Variants in SPATA6 observed in about 807,000 individuals in gnomAD.
The protein encoded by SPATA6 is spermatogenesis-associated protein 6.
Under a neutral mutation model 65.3 loss-of-function variants are expected in SPATA6, and 56 were observed. That is an observed-to-expected ratio of 0.86 (90% CI 0.69 to 1.07). The LOEUF (loss-of-function observed/expected upper bound fraction) is 1.07. Among genes scored for constraint, SPATA6 ranks in the 50% least tolerant of loss-of-function variants. The pLI is 0.00. For missense variants in SPATA6, 590 were observed against 594.8 expected (o/e 0.99, Z 0.08); for synonymous variants, 199 against 213.2 (o/e 0.93, Z 0.58).
intron 1 of SPATA6, among the ~76,000 whole-genome samples, chr1:48,462,231 C>T (rs997936077): frequency 3.3e-5 from 5 of 152,106 alleles, no homozygotes; most frequent in South Asian, 2.1e-4. Context: ...CATTAGGAGA[C>T]ATACCTAATG....
At chr1:48,421,492 A>G (rs1653334215) in intron 3 of SPATA6, among the ~76,000 whole-genome samples, 1 of 152,162 alleles carries the variant, frequency 6.6e-6, no homozygotes, top group Admixed American at 6.5e-5. Flanking sequence ...TATAAGCCAC[A>G]TCTTATGGTT....
In SPATA6 at chr1:48,295,508, C is replaced by T. The variant is rs762477535; in HGVS notation, c.*3205G>A. The stretch of plus-strand genomic sequence containing the variant: ...ACAATAGGTCACATGTTGTATGGTT[C>T]CATTTATATGAAATGTCCAGAATAG... On this transcript the variant is annotated 3_prime_UTR_variant, in exon 13 of 13. Coordinates refer to ENST00000371847, the MANE Select transcript of SPATA6 (RefSeq NM_019073.4). 6 of 152,106 alleles carry T rather than the reference C, an allele frequency of 3.9e-5. No homozygotes were observed. Among genetic ancestry groups the T allele is most frequent in the Non-Finnish European group, 5.9e-5 (4 of 68,002 alleles). 9.4% of individuals were successfully genotyped at this position (152,106 alleles called of 1,614,324 possible).
chr1:48,397,755 T>C (rs1173394262), intron 7 of SPATA6, among the ~76,000 whole-genome samples: 1 of 151,690 alleles, frequency 6.6e-6, no homozygotes, highest in Non-Finnish European at 1.5e-5. Context: ...TTTAATAATG[T>C]AAGCAATCTA....
intron 11 of SPATA6, among the ~76,000 whole-genome samples, chr1:48,329,011 A>G (rs1258330957): frequency 2.6e-5 from 4 of 152,194 alleles, no homozygotes; most frequent in African/African-American, 7.2e-5. Context: ...ATTCTTAACA[A>G]GTACATACAG....
At chr1:48,328,157 C>A (rs1274649833) in intron 11 of SPATA6, among the ~76,000 whole-genome samples, 2 of 152,026 alleles carry the variant, frequency 1.3e-5, no homozygotes, top group Non-Finnish European at 2.9e-5. Context: ...CCACTTCATG[C>A]ACACTAGGAT....
chr1:48,335,367 T>C (rs1570174573), intron 11 of SPATA6, among the ~76,000 whole-genome samples: 1 of 148,038 alleles, frequency 6.8e-6, no homozygotes, highest in Non-Finnish European at 1.5e-5. Flanking sequence ...GCTGGAGGAA[T>C]CACATTGCCT....
intron 3 of SPATA6, among the ~76,000 whole-genome samples, chr1:48,421,438 T>C (rs1219386108): frequency 2.6e-5 from 4 of 152,218 alleles, no homozygotes; most frequent in East Asian, 1.9e-4. Flanking sequence ...CTCTATCTTA[T>C]ATGTTCAAGG....
At chr1:48,277,463 G>A in the SPATA6 span, among the ~76,000 whole-genome samples, 4 of 152,186 alleles carry the variant, frequency 2.6e-5, no homozygotes, top group Non-Finnish European at 5.9e-5. Context: ...GGAAAATTGG[G>A]TCACTCCCAC....
intron 3 of SPATA6, among the ~76,000 whole-genome samples, chr1:48,434,316 G>C (rs1654687383): frequency 6.7e-6 from 1 of 148,536 alleles, no homozygotes; most frequent in African/African-American, 2.5e-5. Context: ...TGTTATTCTA[G>C]TGAGATAAAA....
intron 3 of SPATA6, among the ~76,000 whole-genome samples, chr1:48,420,241 C>T (rs906918611): frequency 8.5e-5 from 13 of 152,284 alleles, no homozygotes; most frequent in African/African-American, 3.1e-4. Context: ...ATGGAAGCTC[C>T]GTGCCCCTTC....
At chr1:48,412,103 G>A (rs577182088) in intron 4 of SPATA6, among the ~76,000 whole-genome samples, 5 of 152,132 alleles carry the variant, frequency 3.3e-5, no homozygotes, top group Admixed American at 2.6e-4. Context: ...CTCATGATCT[G>A]CCCACCTTGG....
chr1:48,270,716 G>C, the SPATA6 span, among the ~76,000 whole-genome samples: 1 of 149,164 alleles, frequency 6.7e-6, no homozygotes, highest in Non-Finnish European at 1.5e-5. Context: ...ACTAAGGTCA[G>C]AAGAAGAGGA....
intron 9 of SPATA6, among the ~76,000 whole-genome samples, chr1:48,376,514 T>C (rs1377961707): frequency 6.6e-6 from 1 of 151,478 alleles, no homozygotes; most frequent in Non-Finnish European, 1.5e-5. Flanking sequence ...TATTTTTGCC[T>C]AGCTCCTGGA....
intron 9 of SPATA6, among the ~76,000 whole-genome samples, chr1:48,366,536 G>A (rs956230662): frequency 6.6e-6 from 1 of 152,160 alleles, no homozygotes; most frequent in African/African-American, 2.4e-5. Flanking sequence ...GGGTGTATGT[G>A]TCTACGAATT....
At chr1:48,382,447 TGGCTGGGCGGGG>T (rs1292684781) in intron 9 of SPATA6, among the ~76,000 whole-genome samples, 2 of 136,608 alleles carry the variant, frequency 1.5e-5, no homozygotes, top group African/African-American at 5.7e-5. Flanking sequence ...ATAGGGCGGC[TGGCTGGGCGGGG>T]GGCTGTCCCC....
the SPATA6 span, among the ~76,000 whole-genome samples, chr1:48,269,591 A>T: frequency 6.6e-6 from 1 of 152,152 alleles, no homozygotes. Flanking sequence ...CCATTTAATC[A>T]TAACACTTAT....
At position 48,358,799 on chromosome 1, in the gene SPATA6, G is replaced by A. The variant is rs147420497; in HGVS notation, c.1094+787C>T. On this transcript the variant is annotated intron_variant, in intron 10 of 12. Transcript: ENST00000371847. ...ATCAAAATTCCATATCTCAGGATTA[G>A]GGTCTACAACATGCCTCCATATATC... Among the ~76,000 whole-genome samples the A allele has an allele frequency of 7.0e-3, 1,058 of 152,218 alleles. 14 individuals are homozygous for A. The highest frequency in any genetic ancestry group is 0.024 in the African/African-American group (1,014 of 41,544).
At chr1:48,445,859 G>A (rs1252851037) in intron 3 of SPATA6, among the ~76,000 whole-genome samples, 3 of 151,930 alleles carry the variant, frequency 2.0e-5, no homozygotes, top group Non-Finnish European at 2.9e-5. Flanking sequence ...AAGATGTGAG[G>A]CCTGAGACCA....
intron 12 of SPATA6, among the ~76,000 whole-genome samples, chr1:48,303,710 C>A (rs995953016): frequency 3.3e-5 from 5 of 152,138 alleles, no homozygotes; most frequent in Admixed American, 2.0e-4. Context: ...GTGAATAATG[C>A]TACAATAAAT....
Sources: allele counts gnomAD v4.1 joint callset (sites outside exome capture counted in the v4.1 genomes callset), GRCh38; gene constraint gnomAD v4.1.1; transcripts MANE v1.5; gene names NCBI Gene and HGNC (gene_info 2026-07-23, HGNC 2026-07-21).